Variants in LMX1A observed in about 807,000 individuals in gnomAD.
The protein encoded by LMX1A is LIM homeobox transcription factor 1 alpha.
In LMX1A, 15 loss-of-function variants were observed where a neutral mutation model predicts 49.1. That is an observed-to-expected ratio of 0.31 (90% CI 0.20 to 0.47). The LOEUF is 0.47. Among genes scored for constraint, LMX1A ranks in the 20% least tolerant of loss-of-function variants. The pLI is 1.00. For synonymous variants in LMX1A, 167 were observed against 185.7 expected, an observed-to-expected ratio of 0.90 and a Z score of 0.82; for missense variants, 372 against 475.8, an observed-to-expected ratio of 0.78 and a Z score of 2.03.
At chr1:165,306,774 G>A (rs939495848) in intron 3 of LMX1A, among the ~76,000 whole-genome samples, 1 of 152,198 alleles carries the variant, frequency 6.6e-6, no homozygotes, top group African/African-American at 2.4e-5. Flanking sequence ...ACAGTGCCTG[G>A]TACCTCCCAG....
At chr1:165,261,176 G>A (rs114455195) in intron 3 of LMX1A, among the ~76,000 whole-genome samples, 1,543 of 152,232 alleles carry the variant, frequency 0.01, 11 homozygotes, top group Non-Finnish European at 0.017. Context: ...CAGATGTCTC[G>A]AGAACCCCAT....
intron 3 of LMX1A, among the ~76,000 whole-genome samples, chr1:165,331,908 C>T (rs1285907185): frequency 6.6e-6 from 1 of 151,942 alleles, no homozygotes; most frequent in Non-Finnish European, 1.5e-5. Flanking sequence ...CAAAGTGAGA[C>T]ACGGTCTCGA....
intron 3 of LMX1A, among the ~76,000 whole-genome samples, chr1:165,331,910 C>T (rs57863713): frequency 0.03 from 4,559 of 151,798 alleles, 226 homozygotes; most frequent in African/African-American, 0.1. Flanking sequence ...AAGTGAGACA[C>T]GGTCTCGAAA....
At chr1:165,301,372 A>AACAC (rs35818694) in intron 3 of LMX1A, among the ~76,000 whole-genome samples, 1,698 of 151,262 alleles carry the variant, frequency 0.011, 14 homozygotes, top group Middle Eastern at 0.082. Context: ...CACTCCCGAC[A>AACAC]ACACACACAC....
chr1:165,223,123 A>G (rs1651911226), intron 4 of LMX1A, among the ~76,000 whole-genome samples: 1 of 152,190 alleles, frequency 6.6e-6, no homozygotes, highest in Non-Finnish European at 1.5e-5. Flanking sequence ...ACTTCAAGAA[A>G]AAAAAAATGG....
chr1:165,210,644 G>T, intron 6 of LMX1A, 55 bp downstream of exon 6: 2 of 1,351,930 alleles, frequency 1.5e-6, no homozygotes, highest in South Asian at 1.2e-5. Flanking sequence ...GTCCTACTGT[G>T]ATTATTTCAG....
At chr1:165,352,653 C>G (rs914821566) in intron 3 of LMX1A, among the ~76,000 whole-genome samples, 2 of 152,198 alleles carry the variant, frequency 1.3e-5, no homozygotes, top group Admixed American at 6.5e-5. Flanking sequence ...GGCGCGGACA[C>G]CTGGGTAACA....
intron 3 of LMX1A, among the ~76,000 whole-genome samples, chr1:165,291,809 A>G (rs1654473179): frequency 1.3e-5 from 2 of 152,112 alleles, no homozygotes; most frequent in African/African-American, 4.8e-5. Context: ...CACGCCTGTA[A>G]TCCCAGCACT....
At chr1:165,323,468 C>T (rs1242978149) in intron 3 of LMX1A, among the ~76,000 whole-genome samples, 1 of 152,158 alleles carries the variant, frequency 6.6e-6, no homozygotes, top group Non-Finnish European at 1.5e-5. Context: ...AAATAGAAAG[C>T]TTATATCACT....
chr1:165,306,944 G>T (rs188222114), intron 3 of LMX1A, among the ~76,000 whole-genome samples: 1 of 152,198 alleles, frequency 6.6e-6, no homozygotes, highest in Non-Finnish European at 1.5e-5. Flanking sequence ...GCAGGAGAGG[G>T]GCTCAGCCTG....
chr1:165,257,381 G>A (rs1261781517), intron 3 of LMX1A, among the ~76,000 whole-genome samples: 3 of 151,948 alleles, frequency 2.0e-5, no homozygotes, highest in Admixed American at 6.6e-5. Context: ...CAGGCCCATG[G>A]TTTTGTAGAA....
intron 3 of LMX1A, among the ~76,000 whole-genome samples, chr1:165,342,764 T>C (rs1656116007): frequency 1.3e-5 from 2 of 151,814 alleles, no homozygotes; most frequent in Admixed American, 6.6e-5. Flanking sequence ...ATCTAGCAGG[T>C]GGGGACTTGT....
At chr1:165,210,808 A>C (rs1651349889) in intron 5 of LMX1A, 32 bp from the exon 6 acceptor site, 1 of 1,537,624 alleles carries the variant, frequency 6.5e-7, no homozygotes, top group Admixed American at 1.7e-5. Context: ...ATGTAGACAC[A>C]CTGGCATCTC....
intron 3 of LMX1A, among the ~76,000 whole-genome samples, chr1:165,306,988 G>A (rs757789585): frequency 1.3e-5 from 2 of 152,226 alleles, no homozygotes; most frequent in African/African-American, 2.4e-5. Context: ...ATGTCCTCTC[G>A]GGCAGAAGCC....
intron 3 of LMX1A, among the ~76,000 whole-genome samples, chr1:165,251,172 T>C (rs1020962319): frequency 1.8e-4 from 28 of 151,500 alleles, no homozygotes; most frequent in Admixed American, 6.6e-4. Context: ...AATGTCTGCC[T>C]CTTGGGTTCA....
intron 2 of LMX1A, 28 bp from the exon 3 acceptor site, chr1:165,353,290 G>A (rs780628660): frequency 3.1e-6 from 5 of 1,596,454 alleles, no homozygotes; most frequent in Non-Finnish European, 4.3e-6. Flanking sequence ...GTTGGCGGGT[G>A]AGCAGCCCGG....
chr1:165,211,000 A>G (rs186074243), intron 5 of LMX1A: 65 of 422,568 alleles, frequency 1.5e-4, no homozygotes, highest in Admixed American at 1.3e-3. Context: ...ATTAATTTAC[A>G]TGTGCATTCC....
chr1:165,231,039 C>T (rs966461303), intron 4 of LMX1A, among the ~76,000 whole-genome samples: 1 of 152,138 alleles, frequency 6.6e-6, no homozygotes, highest in African/African-American at 2.4e-5. Context: ...ATTATTTCAC[C>T]TCCCTGGTTC....
intron 3 of LMX1A, among the ~76,000 whole-genome samples, chr1:165,313,095 C>A (rs955707368): frequency 1.2e-4 from 19 of 152,174 alleles, no homozygotes; most frequent in African/African-American, 3.9e-4. Flanking sequence ...TCATGCTCAA[C>A]TTATGCCAAT....
Sources: gnomAD v4.1 joint callset for allele counts (sites outside exome capture counted in the v4.1 genomes callset) on GRCh38, gnomAD v4.1.1 for gene constraint, MANE v1.5 for transcripts, NCBI Gene and HGNC (gene_info 2026-07-23, HGNC 2026-07-21) for gene names.